Variants in ABCD3 observed in about 807,000 individuals in gnomAD.
The protein encoded by ABCD3 is ATP binding cassette subfamily D member 3.
In ABCD3, 41 loss-of-function variants were observed where a neutral mutation model predicts 105.5. The observed-to-expected ratio is 0.39, with a 90% CI of 0.30 to 0.50. The LOEUF (loss-of-function observed/expected upper bound fraction) is 0.50, where lower values mean the gene tolerates loss of function less well. Ranked by LOEUF, ABCD3 falls within the 20% of genes least tolerant of loss-of-function variation. The pLI, the probability that ABCD3 is intolerant of heterozygous loss-of-function variation, is 0.84. For synonymous variants in ABCD3, 258 were observed against 269.0 expected (o/e 0.96, Z 0.40); for missense variants, 622 against 806.3 (o/e 0.77, Z 2.77).
chr1:94,396,610 T>TGTGTGC, the ABCD3 span, among the ~76,000 whole-genome samples: 1,091 of 144,072 alleles, frequency 7.6e-3, 11 homozygotes, highest in African/African-American at 0.025. Context: ...TGTGTGTGTG[T>TGTGTGC]GCGCGCGCGC....
Position 94,499,119 on chromosome 1 carries a change from G to GT in ABCD3, c.1620+88dup, listed in dbSNP as rs1649974201. The GT allele has an allele frequency of 4.0e-6, 5 of 1,260,140 alleles. No homozygotes were observed. The East Asian group carries it at 1.2e-4, about 30-fold the overall frequency. The allele number at this position is 1,260,140 out of a possible 1,614,324, so 78.1% of individuals were successfully genotyped here. A position where few individuals can be genotyped will look rare whatever the true frequency, so the allele number is the denominator to read the frequency against. On this transcript the variant is annotated intron_variant, in intron 19 of 22. Transcript: ENST00000370214. ...AATTAAGTATTTTAAATGCCAGGTAGTTTATCTTAAGCTGTAAAGCCTTCC... is the reference window on the plus strand; with the variant it reads ...AATTAAGTATTTTAAATGCCAGGTAGTTTTATCTTAAGCTGTAAAGCCTTCC...
chr1:94,511,277 C>T (rs1370539548), intron 21 of ABCD3, among the ~76,000 whole-genome samples: 2 of 152,040 alleles, frequency 1.3e-5, no homozygotes, highest in African/African-American at 4.8e-5. Flanking sequence ...ATATGAAATT[C>T]TGGGTTGAAA....
intron 6 of ABCD3, 119 bp from the exon 7 acceptor site, chr1:94,475,495 T>G: frequency 9.2e-7 from 1 of 1,085,846 alleles, no homozygotes; most frequent in South Asian, 1.4e-5. Context: ...GGATCTCTTC[T>G]GGCTCCAAAC....
chr1:94,446,439 G>A (rs1449407513), intron 1 of ABCD3, among the ~76,000 whole-genome samples: 2 of 152,318 alleles, frequency 1.3e-5, no homozygotes, highest in East Asian at 1.9e-4. Flanking sequence ...ACATACAGGA[G>A]TCATTGATTC....
chr1:94,426,891 T>C (rs570471869), intron 1 of ABCD3, among the ~76,000 whole-genome samples: 4 of 151,120 alleles, frequency 2.6e-5, no homozygotes, highest in South Asian at 2.1e-4. Flanking sequence ...TGCAGGTCTT[T>C]ATACTTATTT....
chr1:94,422,538 T>G (rs1659300133), intron 1 of ABCD3, among the ~76,000 whole-genome samples: 1 of 152,224 alleles, frequency 6.6e-6, no homozygotes, highest in Non-Finnish European at 1.5e-5. Flanking sequence ...CACTTACCAT[T>G]CTGTATTGTA....
intron 1 of ABCD3, among the ~76,000 whole-genome samples, chr1:94,440,986 A>T (rs1660110702): frequency 6.6e-6 from 1 of 152,228 alleles, no homozygotes; most frequent in African/African-American, 2.4e-5. Context: ...TACCATATGT[A>T]AGGATAAATC....
chr1:94,491,626 A>G (rs903418009), intron 16 of ABCD3, among the ~76,000 whole-genome samples: 4 of 152,118 alleles, frequency 2.6e-5, no homozygotes, highest in African/African-American at 9.7e-5. Context: ...ATTTGTACCT[A>G]TAAAAACAAA....
chr1:94,489,686 C>T (rs751604176), intron 13 of ABCD3, 39 bp from the exon 14 acceptor site: 2 of 1,386,924 alleles, frequency 1.4e-6, no homozygotes, highest in Non-Finnish European at 2.0e-6. Context: ...TGACAATAGT[C>T]TGGAGTTTTG....
At chr1:94,458,277 C>T (rs6656819) in intron 1 of ABCD3, among the ~76,000 whole-genome samples, 39,154 of 152,076 alleles carry the variant, frequency 0.26, 5,674 homozygotes, top group Admixed American at 0.34. Flanking sequence ...TTGGCCAAAG[C>T]GGTTTACATG....
intron 1 of ABCD3, among the ~76,000 whole-genome samples, chr1:94,439,091 C>T: frequency 6.6e-6 from 1 of 152,172 alleles, no homozygotes; most frequent in East Asian, 1.9e-4. Flanking sequence ...GTAAATTCCT[C>T]AGGAAGAGCT....
At chr1:94,404,499 C>T in the ABCD3 span, among the ~76,000 whole-genome samples, 1 of 151,916 alleles carries the variant, frequency 6.6e-6, no homozygotes, top group Non-Finnish European at 1.5e-5. Flanking sequence ...TTGTGGTTTG[C>T]TTTCAGTTTT....
Position 94,472,176 on chromosome 1 carries a change from A to G in ABCD3, c.336-1590A>G, listed in dbSNP as rs543341940. The G allele has an allele frequency of 5.1e-5, 49 of 961,210 alleles. 1 individual carries two copies. In the South Asian group the frequency reaches 2.2e-3, roughly 43 times the overall value. The allele number at this position is 961,210 out of a possible 1,614,324, so 59.5% of individuals were successfully genotyped here. A position where few individuals can be genotyped will look rare whatever the true frequency, so the allele number is the denominator to read the frequency against. On this transcript the variant is annotated intron_variant, in intron 4 of 22. Transcript: ENST00000370214. ...TTGTTAATTATTTTTTTTGCAGTGG[A>G]ATAATAAGCAGAAATAAGGCTTTAT...
At chr1:94,509,314 C>T (rs1650532013) in intron 21 of ABCD3, among the ~76,000 whole-genome samples, 1 of 152,152 alleles carries the variant, frequency 6.6e-6, no homozygotes, top group Non-Finnish European at 1.5e-5. Context: ...ATTGAACCAG[C>T]CTTTGCATCC....
chr1:94,508,166 G>A (rs1292184566), intron 21 of ABCD3, among the ~76,000 whole-genome samples: 6 of 152,082 alleles, frequency 3.9e-5, no homozygotes, highest in Non-Finnish European at 8.8e-5. Flanking sequence ...ATTGATTTTT[G>A]TATAAGATGT....
At chr1:94,479,068 A>T (rs1423057735) in intron 8 of ABCD3, among the ~76,000 whole-genome samples, 2 of 152,196 alleles carry the variant, frequency 1.3e-5, no homozygotes, top group African/African-American at 4.8e-5. Flanking sequence ...TCAGTTGATT[A>T]ATAAATTATT....
chr1:94,469,163 C>T (rs1050493267), intron 4 of ABCD3, among the ~76,000 whole-genome samples: 2 of 152,016 alleles, frequency 1.3e-5, no homozygotes. Flanking sequence ...ATTCTTTTTA[C>T]TGCTTCATCT....
At chr1:94,423,522 C>T (rs563602173) in intron 1 of ABCD3, among the ~76,000 whole-genome samples, 2 of 152,318 alleles carry the variant, frequency 1.3e-5, no homozygotes, top group Admixed American at 1.3e-4. Context: ...AAGGTACTTA[C>T]ATCTTGTCTC....
intron 1 of ABCD3, among the ~76,000 whole-genome samples, chr1:94,419,974 G>A (rs1570724889): frequency 2.0e-5 from 3 of 152,348 alleles, no homozygotes; most frequent in Admixed American, 2.0e-4. Flanking sequence ...GAACATGCCA[G>A]TAGAAAGAAG....
Sources: allele counts gnomAD v4.1 joint callset (sites outside exome capture counted in the v4.1 genomes callset), GRCh38; gene constraint gnomAD v4.1.1; transcripts MANE v1.5; gene names NCBI Gene and HGNC (gene_info 2026-07-23, HGNC 2026-07-21).